RYR2: variants seen among roughly 807,000 people sequenced by gnomAD.
RYR2 encodes the protein ryanodine receptor 2, also known as cardiac muscle ryanodine receptor-calcium release channel.
RYR2 carries 227 observed loss-of-function variants against 601.1 expected under a neutral mutation model. The observed-to-expected ratio is 0.38, with a 90% CI of 0.34 to 0.42. The LOEUF (loss-of-function observed/expected upper bound fraction) is 0.42, where lower values mean the gene tolerates loss of function less well. RYR2 is among the 10% of genes least tolerant of loss of function. The pLI, the probability that RYR2 is intolerant of heterozygous loss-of-function variation, is 1.00. For synonymous variants in RYR2, 2,223 were observed against 2,175.1 expected, an observed-to-expected ratio of 1.02 and a Z score of -0.61; for missense variants, 4,646 against 6,156.5, an observed-to-expected ratio of 0.75 and a Z score of 8.21.
chr1:237,409,883 A>T (rs1704274400), intron 10 of RYR2, among the ~76,000 whole-genome samples: 1 of 152,248 alleles, frequency 6.6e-6, no homozygotes, highest in Non-Finnish European at 1.5e-5. Context: ...TATGTAATGG[A>T]TTCATGATCA....
chr1:237,328,948 C>T (rs562128375), intron 2 of RYR2, among the ~76,000 whole-genome samples: 19 of 152,252 alleles, frequency 1.2e-4, no homozygotes, highest in Admixed American at 2.6e-4. Context: ...TAATGTTCTT[C>T]TGATATGAAG....
intron 28 of RYR2, 142 bp from the exon 29 acceptor site, chr1:237,569,003 G>A (rs1672379412): frequency 6.7e-6 from 4 of 593,540 alleles, no homozygotes; most frequent in African/African-American, 5.5e-5. Flanking sequence ...TTAGGACATT[G>A]CAGTAGACCG....
At chr1:237,056,480 G>A (rs555560982) in intron 1 of RYR2, among the ~76,000 whole-genome samples, 334 of 138,110 alleles carry the variant, frequency 2.4e-3, no homozygotes, top group African/African-American at 8.8e-3. Flanking sequence ...GTGAGGACTA[G>A]AGACTGCACC....
intron 91 of RYR2, among the ~76,000 whole-genome samples, chr1:237,787,602 A>AC (rs1258360224): frequency 4.9e-4 from 74 of 149,582 alleles, no homozygotes; most frequent in Non-Finnish European, 8.4e-4. Flanking sequence ...AAAAACAAAA[A>AC]AAAAAAAAAA....
chr1:237,774,594 G>A (rs549778221), intron 87 of RYR2, among the ~76,000 whole-genome samples: 4 of 152,062 alleles, frequency 2.6e-5, no homozygotes, highest in African/African-American at 7.2e-5. Flanking sequence ...AGATGGAAAC[G>A]TCACACTTGA....
At chr1:237,220,745 G>A (rs74147203) in intron 1 of RYR2, among the ~76,000 whole-genome samples, 5,399 of 152,254 alleles carry the variant, frequency 0.035, 293 homozygotes, top group East Asian at 0.23. Context: ...TTTTCAGGAA[G>A]TACTGGTTGG....
chr1:237,194,341 AT>A (rs1420759956), intron 1 of RYR2, among the ~76,000 whole-genome samples: 1 of 152,206 alleles, frequency 6.6e-6, no homozygotes, highest in African/African-American at 2.4e-5. Context: ...TGAATTCATT[AT>A]TTATAACCCC....
intron 2 of RYR2, among the ~76,000 whole-genome samples, chr1:237,308,167 G>A (rs1192021534): frequency 6.6e-6 from 1 of 152,166 alleles, no homozygotes; most frequent in Non-Finnish European, 1.5e-5. Context: ...CAGATATCCT[G>A]ATATCTAGAG....
intron 35 of RYR2, among the ~76,000 whole-genome samples, chr1:237,609,606 C>G (rs2148563076): frequency 6.6e-6 from 1 of 152,080 alleles, no homozygotes; most frequent in South Asian, 2.1e-4. Context: ...CTCAAGTGAT[C>G]CACCTGCCTC....
intron 23 of RYR2, among the ~76,000 whole-genome samples, chr1:237,509,372 A>C (rs1665651290): frequency 6.6e-6 from 1 of 152,214 alleles, no homozygotes; most frequent in Non-Finnish European, 1.5e-5. Context: ...TACTATGCTA[A>C]TTTCATAAAT....
chr1:237,249,684 T>C (rs1687257054), intron 1 of RYR2, among the ~76,000 whole-genome samples: 1 of 152,236 alleles, frequency 6.6e-6, no homozygotes, highest in Non-Finnish European at 1.5e-5. Flanking sequence ...CTTTCCACTC[T>C]AGCATTGGCC....
chr1:237,617,486 G>C lies in RYR2; in HGVS notation c.5916G>C (p.Gln1972His). 6.2e-7 allele frequency: 1 copy of C among 1,609,820 alleles called. No individual in the cohort carries two copies. The highest frequency in any genetic ancestry group is 8.5e-7 in the Non-Finnish European group (1 of 1,177,214). Residue 1972 changes from glutamine (Q) to histidine (H), a missense_variant and splice_region_variant, in exon 38 of 105, where the codon CAG becomes CAC. This residue lies in a region of RYR2 where 170 missense variants were observed against 184.5 expected (regional missense o/e 0.92). Transcript: ENST00000366574. The part of the protein sequence containing the change: ...TKEFRSPPQE[Q>H]INMLLNFKDD... The stretch of plus-strand genomic sequence containing the variant: ...AATTTAGATCACCACCTCAAGAACA[G>C]GTACAGAAATGAAATGAAAATTCTT...
intron 89 of RYR2, among the ~76,000 whole-genome samples, chr1:237,783,247 G>T (rs1184442705): frequency 3.3e-5 from 5 of 152,226 alleles, no homozygotes; most frequent in Non-Finnish European, 7.4e-5. Context: ...TAAAATTAGG[G>T]TTAACAAAAA....
At chr1:237,566,277 A>G (rs1386674231) in intron 27 of RYR2, among the ~76,000 whole-genome samples, 1 of 152,096 alleles carries the variant, frequency 6.6e-6, no homozygotes, top group Non-Finnish European at 1.5e-5. Flanking sequence ...TTTGTTCTAC[A>G]GAAAGGTCGT....
chr1:237,601,973 C>G, intron 34 of RYR2, 52 bp from the exon 35 acceptor site: 1 of 1,497,640 alleles, frequency 6.7e-7, no homozygotes, highest in Non-Finnish European at 9.1e-7. Flanking sequence ...AAAACTTTTT[C>G]CCTTGTCTTG....
In RYR2 at chr1:237,254,042, C is replaced by T. The variant is rs139367968; in HGVS notation, c.49-16455C>T. Among the ~76,000 whole-genome samples, 1,463 of 152,286 alleles carry T rather than the reference C, an allele frequency of 9.6e-3. 28 individuals are homozygous for T. Among genetic ancestry groups the T allele is most frequent in the African/African-American group, 0.034 (1,402 of 41,574 alleles). On this transcript the variant is annotated intron_variant, in intron 1 of 104. Transcript: ENST00000366574. ...ATACACACAGAGCTATGAAACCCTTCTATAAACATGAAATTGGGGAGATAC... is the reference window on the plus strand; with the variant it reads ...ATACACACAGAGCTATGAAACCCTTTTATAAACATGAAATTGGGGAGATAC...
At chr1:237,778,254 G>A (rs546123643) in intron 87 of RYR2, among the ~76,000 whole-genome samples, 2 of 152,136 alleles carry the variant, frequency 1.3e-5, no homozygotes, top group African/African-American at 4.8e-5. Context: ...CTATTTAGGA[G>A]TAAGAGGTAA....
At chr1:237,222,144 G>A (rs1273385337) in intron 1 of RYR2, among the ~76,000 whole-genome samples, 1 of 152,076 alleles carries the variant, frequency 6.6e-6, no homozygotes, top group African/African-American at 2.4e-5. Flanking sequence ...GCCAGGCGCG[G>A]TGGCTCACAC....
At position 237,165,253 on chromosome 1, in the gene RYR2, C is replaced by T. The variant is rs963425891; in HGVS notation, c.49-105244C>T. On this transcript the variant is annotated intron_variant, in intron 1 of 104. Coordinates refer to ENST00000366574, the MANE Select transcript of RYR2 (RefSeq NM_001035.3). ...AAGAGTGAGGTAAAGTGGTGGATGT[C>T]CTGGAGATGACTGAAAATCAGTAAC... Among the ~76,000 whole-genome samples, 3 of 152,082 alleles carry T rather than the reference C, an allele frequency of 2.0e-5. No homozygotes were observed. The South Asian group carries it at 6.2e-4, about 32-fold the overall frequency.
Sources: gnomAD v4.1 joint callset for allele counts (sites outside exome capture counted in the v4.1 genomes callset) on GRCh38, gnomAD v4.1.1 for gene constraint, gnomAD v4.1.1 regional missense constraint, MANE v1.5 for transcripts, NCBI Gene and HGNC (gene_info 2026-07-23, HGNC 2026-07-21) for gene names.